LRPPRC: variants seen among roughly 807,000 people sequenced by gnomAD.
LRPPRC encodes the protein leucine rich pentatricopeptide repeat containing.
Under a neutral mutation model 180.3 loss-of-function variants are expected in LRPPRC, and 120 were observed. That is an observed-to-expected ratio of 0.67 (90% confidence interval 0.57 to 0.77). LRPPRC has a LOEUF of 0.77. LRPPRC is among the 30% of genes least tolerant of loss of function. LRPPRC has a pLI of 0.00. For missense variants in LRPPRC, 2,012 were observed against 1,657.2 expected (o/e 1.21, Z -3.72); for synonymous variants, 723 against 600.0 (o/e 1.21, Z -3.00).
At chr2:43,918,871 A>T (rs755816739) in intron 27 of LRPPRC, among the ~76,000 whole-genome samples, 2 of 149,750 alleles carry the variant, frequency 1.3e-5, no homozygotes. Context: ...AGATATAGAT[A>T]GATAGATATA....
chr2:43,916,921 GGTGACAGA>G (rs1671489169), intron 29 of LRPPRC, among the ~76,000 whole-genome samples: 1 of 146,214 alleles, frequency 6.8e-6, no homozygotes, highest in South Asian at 2.2e-4. Context: ...CTCCAGTCTG[GGTGACAGA>G]GTGAGACCTG....
intron 3 of LRPPRC, among the ~76,000 whole-genome samples, chr2:43,978,386 A>G (rs931167808): frequency 1.2e-4 from 18 of 152,190 alleles, no homozygotes; most frequent in Non-Finnish European, 2.5e-4. Context: ...CCATCCTTAT[A>G]AAGCAGACAC....
Position 43,974,691 on chromosome 2 carries a change from C to T in LRPPRC, c.932G>A (p.Ser311Asn). ...MDRDLLQIIF[S>N]FSKAGYPQYV... ...CTGAGGATACCCAGCTTTACTGAAG[C>T]TAAAAATAATTTGCAGTAAATCACG... Residue 311 changes from serine to asparagine, a missense_variant, in exon 8 of 38, where the codon AGC becomes AAC. Ser to Asn is a conservative substitution (Grantham distance 46, BLOSUM62 1). Coordinates refer to ENST00000260665, the MANE Select transcript of LRPPRC (RefSeq NM_133259.4). 6.2e-7 allele frequency: 1 copy of T among 1,612,892 alleles called. No homozygotes were observed. The highest frequency in any genetic ancestry group is 8.5e-7 in the Non-Finnish European group (1 of 1,179,044).
chr2:43,915,801 A>C (rs1438679874), intron 29 of LRPPRC, among the ~76,000 whole-genome samples: 1 of 152,086 alleles, frequency 6.6e-6, no homozygotes, highest in African/African-American at 2.4e-5. Flanking sequence ...TCTTTTTTTG[A>C]GATAGGGTCT....
intron 35 of LRPPRC, among the ~76,000 whole-genome samples, chr2:43,895,543 C>T (rs1670647480): frequency 6.6e-6 from 1 of 152,176 alleles, no homozygotes; most frequent in African/African-American, 2.4e-5. Context: ...ACTTTTTAAT[C>T]ACACGTATAA....
intron 22 of LRPPRC, 35 bp downstream of exon 22, chr2:43,945,297 T>C (rs750879933): frequency 1.5e-6 from 2 of 1,346,878 alleles, no homozygotes; most frequent in South Asian, 2.3e-5. Flanking sequence ...GCAAGATACT[T>C]GCATCACATA....
intron 25 of LRPPRC, among the ~76,000 whole-genome samples, chr2:43,930,608 T>C (rs1403394267): frequency 1.3e-5 from 2 of 152,206 alleles, no homozygotes; most frequent in African/African-American, 4.8e-5. Context: ...AGAAAAACTT[T>C]CACTGTTACA....
intron 7 of LRPPRC, 117 bp from the exon 8 acceptor site, chr2:43,974,875 G>A (rs1673981278): frequency 2.7e-6 from 3 of 1,111,514 alleles, no homozygotes; most frequent in Non-Finnish European, 1.3e-6. Context: ...AAAGGTTTAC[G>A]ACTTCTTTTA....
At chr2:43,929,457 G>A (rs1311812620) in intron 25 of LRPPRC, among the ~76,000 whole-genome samples, 1 of 152,054 alleles carries the variant, frequency 6.6e-6, no homozygotes, top group African/African-American at 2.4e-5. Context: ...ACGTTTTATG[G>A]TAGCAAATAA....
chr2:43,899,321 C>A lies in LRPPRC; in HGVS notation c.3723G>T (p.Ala1241=). 1 of 1,613,546 alleles carries A rather than the reference C, an allele frequency of 6.2e-7. No individual in the cohort carries two copies. The highest frequency in any genetic ancestry group is 8.5e-7 in the Non-Finnish European group (1 of 1,179,488). ...TTGCAAACTGATTGGCCAATCTCTC[C>A]GCCATGATGCTTACTGGAAAAATGA... ...EPAVEKISIM[A]ERLANQFAIY... is the part of the protein sequence containing the mutation. The change falls in exon 34 of 38, where the codon GCG becomes GCT. Residue 1241 remains alanine, a synonymous_variant. Coordinates refer to ENST00000260665, the MANE Select transcript of LRPPRC (RefSeq NM_133259.4).
At chr2:43,973,490 T>A (rs1673908221) in intron 11 of LRPPRC, 117 bp downstream of exon 11, 2 of 741,350 alleles carry the variant, frequency 2.7e-6, no homozygotes, top group Non-Finnish European at 4.9e-6. Context: ...AACAATTCCA[T>A]TATCTCATAA....
At chr2:43,900,937 A>G (rs1356015037) in intron 32 of LRPPRC, among the ~76,000 whole-genome samples, 1 of 152,166 alleles carries the variant, frequency 6.6e-6, no homozygotes, top group African/African-American at 2.4e-5. Context: ...CACATTTTTA[A>G]TAAGCTTGCG....
At chr2:43,984,583 G>A (rs904528608) in intron 1 of LRPPRC, among the ~76,000 whole-genome samples, 1 of 152,126 alleles carries the variant, frequency 6.6e-6, no homozygotes, top group Non-Finnish European at 1.5e-5. Flanking sequence ...TTTAACCAAA[G>A]AAGTCTTCAC....
At chr2:43,964,376 C>A (rs1360244429) in intron 11 of LRPPRC, among the ~76,000 whole-genome samples, 1 of 152,154 alleles carries the variant, frequency 6.6e-6, no homozygotes, top group Non-Finnish European at 1.5e-5. Flanking sequence ...TAATTCTAGA[C>A]AACTGTCAGA....
chr2:43,902,362 AAC>A (rs1401881835), intron 31 of LRPPRC: 4 of 152,210 alleles, frequency 2.6e-5, no homozygotes, highest in Non-Finnish European at 4.4e-5. Context: ...GGAGTAGCCT[AAC>A]AATCACCCCT....
chr2:43,975,362 C>G, intron 6 of LRPPRC, 145 bp from the exon 7 acceptor site: 1 of 641,388 alleles, frequency 1.6e-6, no homozygotes, highest in Non-Finnish European at 2.7e-6. Flanking sequence ...GTATATTAAA[C>G]TGGATATATG....
intron 36 of LRPPRC, among the ~76,000 whole-genome samples, chr2:43,893,738 T>C (rs547203958): frequency 6.6e-6 from 1 of 152,340 alleles, no homozygotes; most frequent in Admixed American, 6.5e-5. Flanking sequence ...GTTTAGTTAC[T>C]GGAAATTTGA....
chr2:43,995,128 C>G (rs1674969258), intron 1 of LRPPRC, among the ~76,000 whole-genome samples: 1 of 152,188 alleles, frequency 6.6e-6, no homozygotes, highest in South Asian at 2.1e-4. Flanking sequence ...GTAATCCCAG[C>G]TACTCGGGAG....
intron 2 of LRPPRC, among the ~76,000 whole-genome samples, chr2:43,980,919 A>G (rs1446019655): frequency 6.6e-6 from 1 of 152,202 alleles, no homozygotes; most frequent in African/African-American, 2.4e-5. Flanking sequence ...GGTTGAATAA[A>G]TAAGTCAGAG....
Sources: gnomAD v4.1 joint callset for allele counts (sites outside exome capture counted in the v4.1 genomes callset) on GRCh38, gnomAD v4.1.1 for gene constraint, MANE v1.5 for transcripts, NCBI Gene and HGNC (gene_info 2026-07-23, HGNC 2026-07-21) for gene names.